The following TTC9 variants were observed in gnomAD, a reference collection of about 807,000 sequenced individuals.
The protein encoded by TTC9 is tetratricopeptide repeat domain 9, also known as tetratricopeptide repeat protein 9A.
In TTC9, 13 loss-of-function variants were observed where a neutral mutation model predicts 22.9. The ratio of observed to expected loss-of-function variants is 0.57; its 90% CI spans 0.37 to 0.90. The LOEUF (loss-of-function observed/expected upper bound fraction) is 0.90, where lower values mean the gene tolerates loss of function less well. TTC9 is among the 40% of genes least tolerant of loss of function. The pLI is 0.01. For missense variants in TTC9, 280 were observed against 291.8 expected (o/e 0.96, Z 0.29); for synonymous variants, 148 against 133.2 (o/e 1.11, Z -0.77).
At chr14:70,654,587 CAAAAAAAAAA>C (rs61046584) in intron 1 of TTC9, among the ~76,000 whole-genome samples, 18 of 57,158 alleles carry the variant, frequency 3.1e-4, no homozygotes, top group Admixed American at 6.0e-4. Context: ...GGCTCTGTCT[CAAAAAAAAAA>C]AAAAAAAAAA....
At chr14:70,651,752 A>G (rs1186209643) in intron 1 of TTC9, among the ~76,000 whole-genome samples, 1 of 152,154 alleles carries the variant, frequency 6.6e-6, no homozygotes, top group Non-Finnish European at 1.5e-5. Flanking sequence ...AATGTTAGTC[A>G]TATGTCTCTG....
chr14:70,660,825 A>G (rs1241559143), intron 1 of TTC9, among the ~76,000 whole-genome samples: 1 of 152,240 alleles, frequency 6.6e-6, no homozygotes, highest in African/African-American at 2.4e-5. Flanking sequence ...CCACTTTACT[A>G]CTATGTCATT....
Position 70,674,320 on chromosome 14 carries a change from A to G in TTC9, c.*3165A>G, listed in dbSNP as rs971706410. 2 of 152,172 alleles carry G rather than the reference A, an allele frequency of 1.3e-5. No individual in the cohort carries two copies. The highest frequency in any genetic ancestry group is 4.8e-5 in the African/African-American group (2 of 41,434). 9.4% of individuals were successfully genotyped at this position (152,172 alleles called of 1,614,324 possible). On this transcript the variant is annotated 3_prime_UTR_variant, in exon 3 of 3. Transcript: ENST00000256367. ...ATGTGTGTATTGTAGAAGTTTTAGG[A>G]AAAAAAGGACAAAATCCAATCCATA...
chr14:70,642,082 GGCGGCGGGCAGATC>G lies in TTC9; in HGVS notation c.-41_-28del, dbSNP rs1053303333. On this transcript the variant is annotated 5_prime_UTR_variant, in exon 1 of 3. Transcript: ENST00000256367. Reference sequence around the variant, plus strand: ...CCCGGGAAGGCGCGGCGGCGGCGGCGGCGGCGGGCAGATCGCGGCGCGCACCAGGCGCCGGGGCG... The same window carrying G: ...CCCGGGAAGGCGCGGCGGCGGCGGCGGCGGCGCGCACCAGGCGCCGGGGCG... 4.0e-5 allele frequency: 41 copies of G among 1,036,500 alleles called. No individual in the cohort carries two copies. In the African/African-American group the frequency reaches 6.2e-4, roughly 16 times the overall value. 64.2% of individuals were successfully genotyped at this position (1,036,500 alleles called of 1,614,324 possible). A position where few individuals can be genotyped will look rare whatever the true frequency, so the allele number is the denominator to read the frequency against.
chr14:70,644,494 T>G (rs562901835), intron 1 of TTC9, among the ~76,000 whole-genome samples: 1 of 152,328 alleles, frequency 6.6e-6, no homozygotes, highest in South Asian at 2.1e-4. Context: ...TCATCAGTTT[T>G]GCAGAGAAAA....
intron 1 of TTC9, among the ~76,000 whole-genome samples, chr14:70,656,530 G>A (rs936892763): frequency 2.0e-5 from 3 of 152,122 alleles, no homozygotes; most frequent in Admixed American, 6.5e-5. Context: ...ACACATCTGA[G>A]GACATGAGGG....
intron 1 of TTC9, among the ~76,000 whole-genome samples, chr14:70,663,460 A>G (rs1399721202): frequency 6.6e-6 from 1 of 152,216 alleles, no homozygotes; most frequent in Non-Finnish European, 1.5e-5. Flanking sequence ...AGACATCCTC[A>G]TGTAACAAAA....
chr14:70,667,097 G>A (rs1886226204), intron 1 of TTC9, among the ~76,000 whole-genome samples: 1 of 152,136 alleles, frequency 6.6e-6, no homozygotes, highest in African/African-American at 2.4e-5. Context: ...GCATTCCTTG[G>A]CTTATGGATG....
intron 1 of TTC9, among the ~76,000 whole-genome samples, chr14:70,655,992 C>G (rs1355942319): frequency 2.6e-5 from 4 of 151,980 alleles, no homozygotes. Flanking sequence ...CTCAGATTCC[C>G]TTCATTTCAT....
intron 1 of TTC9, among the ~76,000 whole-genome samples, chr14:70,647,289 A>C (rs188587758): frequency 1.3e-5 from 2 of 152,326 alleles, no homozygotes; most frequent in East Asian, 3.9e-4. Flanking sequence ...TTTTTATTTC[A>C]CTTTTTTATA....
intron 2 of TTC9, among the ~76,000 whole-genome samples, chr14:70,668,541 G>A (rs559382554): frequency 6.6e-6 from 1 of 152,256 alleles, no homozygotes; most frequent in South Asian, 2.1e-4. Flanking sequence ...AAATAAAGCA[G>A]AATAAAGAGA....
Position 70,671,195 on chromosome 14 carries a change from G to A in TTC9, c.*40G>A. 6.4e-7 allele frequency: 1 copy of A among 1,561,776 alleles called. No homozygotes were observed. On this transcript the variant is annotated 3_prime_UTR_variant, in exon 3 of 3. Coordinates refer to ENST00000256367, the MANE Select transcript of TTC9 (RefSeq NM_015351.2). The stretch of plus-strand genomic sequence containing the variant: ...CAGAGCTGCGCCCACGCCTGACCGG[G>A]GACTTCCAGGCATCCCCTGGCAGAG...
chr14:70,670,914 G>A (rs532711846), intron 2 of TTC9, among the ~76,000 whole-genome samples, 162 bp from the exon 3 acceptor site: 1 of 152,142 alleles, frequency 6.6e-6, no homozygotes, highest in East Asian at 1.9e-4. Context: ...GGAGAGGGTC[G>A]ACATCTAGTT....
intron 1 of TTC9, among the ~76,000 whole-genome samples, chr14:70,666,276 C>T (rs1226245107): frequency 6.6e-6 from 1 of 152,154 alleles, no homozygotes; most frequent in Non-Finnish European, 1.5e-5. Flanking sequence ...ACATGGTTTA[C>T]TCAAAGATGG....
At chr14:70,652,619 G>T (rs752392299) in intron 1 of TTC9, among the ~76,000 whole-genome samples, 2 of 152,204 alleles carry the variant, frequency 1.3e-5, no homozygotes, top group Non-Finnish European at 2.9e-5. Flanking sequence ...AAACAGACTG[G>T]CAAGAGTTTG....
intron 2 of TTC9, among the ~76,000 whole-genome samples, chr14:70,669,435 A>G (rs1254677125): frequency 1.3e-5 from 2 of 151,760 alleles, no homozygotes; most frequent in Non-Finnish European, 2.9e-5. Context: ...ATGCACTACC[A>G]TGCCTGGCTA....
Position 70,671,581 on chromosome 14 carries a change from A to G in TTC9, c.*426A>G. The G allele has an allele frequency of 6.0e-6, 1 of 165,786 alleles. No individual in the cohort carries two copies. Among genetic ancestry groups the G allele is most frequent in the Non-Finnish European group, 1.3e-5 (1 of 76,676 alleles). 10.3% of individuals were successfully genotyped at this position (165,786 alleles called of 1,614,324 possible). On this transcript the variant is annotated 3_prime_UTR_variant, in exon 3 of 3. Coordinates refer to ENST00000256367, the MANE Select transcript of TTC9 (RefSeq NM_015351.2). Reference sequence around the variant, plus strand: ...CACTTTCCTGACAGACCAGAACCAGAGCATCTCGAGGCAACTGTTAGAAAT... The same window carrying G: ...CACTTTCCTGACAGACCAGAACCAGGGCATCTCGAGGCAACTGTTAGAAAT...
rs144061972 is a variant in TTC9, at chr14:70,643,849, T to C, written c.406+1314T>C. On this transcript the variant is annotated intron_variant, in intron 1 of 2. Transcript: ENST00000256367. ...GCACTTTGTAAATTGTAAAGTACTT[T>C]ACAGACTTAAAGGATTAATAGAGTA... 9.2e-3 allele frequency among the ~76,000 whole-genome samples: 1,395 copies of C among 152,308 alleles called. 75 individuals are homozygous for C. Among genetic ancestry groups the C allele is most frequent in the Admixed American group, 0.083 (1,263 of 15,302 alleles).
chr14:70,649,729 A>G (rs1218557539), intron 1 of TTC9, among the ~76,000 whole-genome samples: 1 of 152,222 alleles, frequency 6.6e-6, no homozygotes, highest in Non-Finnish European at 1.5e-5. Context: ...CTCTGTAGCA[A>G]AGACAAGCTT....
Sources: allele counts gnomAD v4.1 joint callset (sites outside exome capture counted in the v4.1 genomes callset), GRCh38; gene constraint gnomAD v4.1.1; transcripts MANE v1.5; gene names NCBI Gene and HGNC (gene_info 2026-07-23, HGNC 2026-07-21).